SORCS1: variants seen among roughly 807,000 people sequenced by gnomAD.
SORCS1 encodes sortilin related VPS10 domain containing receptor 1.
A neutral mutation model predicts 146.1 loss-of-function variants in SORCS1; 60 were observed. That is an observed-to-expected ratio of 0.41 (90% confidence interval 0.33 to 0.51). The LOEUF is 0.51. Among genes scored for constraint, SORCS1 ranks in the 20% least tolerant of loss-of-function variants. The pLI is 0.21. For missense variants in SORCS1, 1,352 were observed against 1,487.6 expected, an observed-to-expected ratio of 0.91 and a Z score of 1.50; for synonymous variants, 637 against 584.0, an observed-to-expected ratio of 1.09 and a Z score of -1.31.
At chr10:106,625,761 CT>C (rs1001307265) in intron 19 of SORCS1, among the ~76,000 whole-genome samples, 12 of 151,888 alleles carry the variant, frequency 7.9e-5, no homozygotes, top group Admixed American at 2.0e-4. Flanking sequence ...TCCACCTTAT[CT>C]TTTTTTTGTC....
chr10:106,619,391 A>C (rs1289038265), intron 20 of SORCS1, among the ~76,000 whole-genome samples: 1 of 152,238 alleles, frequency 6.6e-6, no homozygotes, highest in East Asian at 1.9e-4. Flanking sequence ...GTGCAAAATT[A>C]TATCTCCAGC....
Position 106,776,648 on chromosome 10 carries a change from G to C in SORCS1, c.771C>G (p.Ile257Met). ...TDPEIESSLL[I>M]SSDEGATYQK... The stretch of plus-strand genomic sequence containing the variant: ...GATAAGTTGCCCCTTCATCTGAGCT[G>C]ATCAATAAACTGCTCTCAATCTCCG... The change falls in exon 4 of 26, where the codon ATC (isoleucine) becomes ATG (methionine). Residue 257 changes from isoleucine (I) to methionine (M), a missense_variant. Transcript: ENST00000263054. 6.2e-7 allele frequency: 1 copy of C among 1,614,046 alleles called. No individual in the cohort carries two copies. The highest frequency in any genetic ancestry group is 8.5e-7 in the Non-Finnish European group (1 of 1,179,940).
intron 8 of SORCS1, among the ~76,000 whole-genome samples, chr10:106,704,160 G>C (rs1854337214): frequency 6.6e-6 from 1 of 152,246 alleles, no homozygotes; most frequent in East Asian, 1.9e-4. Flanking sequence ...ACATTTCTTT[G>C]ATTTTAAACT....
At chr10:107,073,566 C>T (rs932649094) in intron 1 of SORCS1, among the ~76,000 whole-genome samples, 25 of 152,142 alleles carry the variant, frequency 1.6e-4, no homozygotes, top group Non-Finnish European at 3.4e-4. Context: ...TGTATTAAAT[C>T]GCTAAATGCT....
intron 24 of SORCS1, among the ~76,000 whole-genome samples, chr10:106,592,596 T>C (rs917148850): frequency 3.3e-5 from 5 of 152,254 alleles, no homozygotes; most frequent in African/African-American, 1.2e-4. Context: ...TGCAACAGCA[T>C]GTTGTAATGG....
chr10:107,162,485 A>C (rs754794166), intron 1 of SORCS1, among the ~76,000 whole-genome samples: 9 of 152,214 alleles, frequency 5.9e-5, no homozygotes, highest in Non-Finnish European at 1.2e-4. Context: ...GGTCTCCAGA[A>C]CTTGAATGGA....
At chr10:107,040,860 T>C (rs1959122968) in intron 1 of SORCS1, among the ~76,000 whole-genome samples, 1 of 152,196 alleles carries the variant, frequency 6.6e-6, no homozygotes, top group Non-Finnish European at 1.5e-5. Context: ...GAAATGTCAA[T>C]ACCTTTTAAC....
At chr10:106,911,930 G>T (rs1299618146) in intron 2 of SORCS1, among the ~76,000 whole-genome samples, 1 of 152,014 alleles carries the variant, frequency 6.6e-6, no homozygotes, top group Non-Finnish European at 1.5e-5. Flanking sequence ...GGCTAACATG[G>T]AGAAACCCCG....
chr10:106,608,137 T>C (rs1846736141), intron 22 of SORCS1, among the ~76,000 whole-genome samples: 2 of 152,350 alleles, frequency 1.3e-5, no homozygotes, highest in South Asian at 2.1e-4. Flanking sequence ...TCTGATCATG[T>C]TCCTTGTCCA....
At chr10:106,907,387 C>G (rs946852013) in intron 2 of SORCS1, among the ~76,000 whole-genome samples, 2 of 152,056 alleles carry the variant, frequency 1.3e-5, no homozygotes, top group Non-Finnish European at 2.9e-5. Flanking sequence ...ATAAAGGATA[C>G]AGTTCAAATA....
At chr10:106,710,173 G>A (rs1854867646) in intron 6 of SORCS1, among the ~76,000 whole-genome samples, 1 of 152,184 alleles carries the variant, frequency 6.6e-6, no homozygotes, top group African/African-American at 2.4e-5. Context: ...ACAGAGCCGG[G>A]AGCTGTGGCT....
intron 3 of SORCS1, among the ~76,000 whole-genome samples, chr10:106,788,506 C>T (rs555643301): frequency 2.6e-5 from 4 of 152,288 alleles, no homozygotes; most frequent in Non-Finnish European, 4.4e-5. Flanking sequence ...TGGGTAAATG[C>T]TCACACCAAA....
At chr10:107,085,231 G>C (rs1963671069) in intron 1 of SORCS1, among the ~76,000 whole-genome samples, 1 of 152,142 alleles carries the variant, frequency 6.6e-6, no homozygotes, top group South Asian at 2.1e-4. Context: ...CTATCTCGAG[G>C]ACCCTGAAAA....
chr10:106,992,892 C>T (rs907763516), intron 1 of SORCS1, among the ~76,000 whole-genome samples: 3 of 134,734 alleles, frequency 2.2e-5, no homozygotes, highest in Admixed American at 8.5e-5. Flanking sequence ...AGCACAGTGG[C>T]GCGATCTAGG....
chr10:107,147,122 G>A (rs1968397038), intron 1 of SORCS1, among the ~76,000 whole-genome samples: 1 of 152,132 alleles, frequency 6.6e-6, no homozygotes, highest in Non-Finnish European at 1.5e-5. Flanking sequence ...TCAGGTAAAT[G>A]TGCCTGAAAG....
chr10:106,784,442 T>G (rs1945956953), intron 3 of SORCS1, among the ~76,000 whole-genome samples: 1 of 151,208 alleles, frequency 6.6e-6, no homozygotes, highest in Non-Finnish European at 1.5e-5. Flanking sequence ...GAAATAATGA[T>G]GTACACATTC....
rs969346911 is a variant in SORCS1, at chr10:106,968,704, C to A, written c.559-12124G>T. 2.6e-5 allele frequency among the ~76,000 whole-genome samples: 4 copies of A among 152,086 alleles called. No homozygotes were observed. In the South Asian group the frequency reaches 8.3e-4, roughly 32 times the overall value. On this transcript the variant is annotated intron_variant, in intron 1 of 25. Transcript: ENST00000263054. ...TGTGTTCCAAGTGTCAGAACATAAA[C>A]CTCAATAAGAAACTGGAATAAAAAC... is the stretch of plus-strand genomic sequence containing the variant.
intron 2 of SORCS1, among the ~76,000 whole-genome samples, chr10:106,945,011 G>A (rs1202979494): frequency 6.7e-6 from 1 of 149,636 alleles, no homozygotes; most frequent in Non-Finnish European, 1.5e-5. Context: ...TCAAACTCCC[G>A]AGAGGCTGGG....
At chr10:106,885,708 C>G (rs113376656) in intron 2 of SORCS1, among the ~76,000 whole-genome samples, 2 of 152,124 alleles carry the variant, frequency 1.3e-5, no homozygotes, top group African/African-American at 4.8e-5. Flanking sequence ...CCCCCCAAAT[C>G]TCATCTTGAA....
Sources: allele counts gnomAD v4.1 joint callset (sites outside exome capture counted in the v4.1 genomes callset), GRCh38; gene constraint gnomAD v4.1.1; transcripts MANE v1.5; gene names NCBI Gene and HGNC (gene_info 2026-07-23, HGNC 2026-07-21).